The following NOL10 variants were observed in gnomAD, a reference collection of about 807,000 sequenced individuals.
NOL10 encodes the protein nucleolar protein 10, also known as H_NH0074G24.1.
Under a neutral mutation model 103.5 loss-of-function variants are expected in NOL10, and 58 were observed. That is an observed-to-expected ratio of 0.56 (90% CI 0.45 to 0.70). The LOEUF (loss-of-function observed/expected upper bound fraction) is 0.70, where lower values mean the gene tolerates loss of function less well. Ranked by LOEUF, NOL10 falls within the 30% of genes least tolerant of loss-of-function variation. The probability of loss-of-function intolerance (pLI) is 0.00; values close to 1 mark genes in which losing one functional copy is unlikely to be tolerated. For synonymous variants in NOL10, 287 were observed against 282.5 expected, an observed-to-expected ratio of 1.02 and a Z score of -0.16; for missense variants, 763 against 807.3, an observed-to-expected ratio of 0.95 and a Z score of 0.67.
intron 19 of NOL10, among the ~76,000 whole-genome samples, chr2:10,587,360 T>A (rs1377868499): frequency 6.9e-6 from 1 of 144,498 alleles, no homozygotes; most frequent in African/African-American, 2.6e-5. Flanking sequence ...AACCTCTGCC[T>A]CCCGGGTCCA....
intron 13 of NOL10, among the ~76,000 whole-genome samples, chr2:10,637,640 C>A (rs1678354016): frequency 6.6e-6 from 1 of 152,220 alleles, no homozygotes; most frequent in African/African-American, 2.4e-5. Context: ...AATGTGGCTT[C>A]CAATTGTGCA....
chr2:10,582,670 TG>T (rs1326732008), intron 19 of NOL10, among the ~76,000 whole-genome samples: 1 of 152,206 alleles, frequency 6.6e-6, no homozygotes, highest in African/African-American at 2.4e-5. Context: ...TCCATGTCTC[TG>T]AGGATGCATA....
chr2:10,685,311 G>A (rs62127226), intron 1 of NOL10, among the ~76,000 whole-genome samples: 13,815 of 152,006 alleles, frequency 0.091, 968 homozygotes, highest in East Asian at 0.39. Flanking sequence ...TGGCCAACAT[G>A]GTGAAACCCC....
At chr2:10,677,932 T>C (rs72777334) in intron 3 of NOL10, among the ~76,000 whole-genome samples, 2,649 of 145,648 alleles carry the variant, frequency 0.018, 39 homozygotes, top group Non-Finnish European at 0.029. Context: ...TATAGACAGA[T>C]ACATATATAT....
At chr2:10,631,207 G>A (rs1344466798) in intron 13 of NOL10, among the ~76,000 whole-genome samples, 1 of 152,178 alleles carries the variant, frequency 6.6e-6, no homozygotes, top group Non-Finnish European at 1.5e-5. Flanking sequence ...TATCAATTTA[G>A]TAAACATAAA....
At chr2:10,658,604 T>C (rs975344229) in intron 10 of NOL10, among the ~76,000 whole-genome samples, 1 of 152,134 alleles carries the variant, frequency 6.6e-6, no homozygotes, top group Non-Finnish European at 1.5e-5. Context: ...ACACACAAAT[T>C]TTGGAAATAT....
At chr2:10,630,868 G>A (rs537375014) in intron 13 of NOL10, among the ~76,000 whole-genome samples, 1 of 152,308 alleles carries the variant, frequency 6.6e-6, no homozygotes, top group Admixed American at 6.5e-5. Context: ...ATCCTTTAGT[G>A]TGGACAAGAT....
At chr2:10,636,434 A>AC (rs1244648318) in intron 13 of NOL10, among the ~76,000 whole-genome samples, 2 of 149,352 alleles carry the variant, frequency 1.3e-5, no homozygotes, top group African/African-American at 4.9e-5. Context: ...AAAAAAAAAA[A>AC]AAAAAAAAAA....
intron 2 of NOL10, 79 bp downstream of exon 2, chr2:10,684,488 T>C (rs1376489263): frequency 8.9e-7 from 1 of 1,122,920 alleles, no homozygotes; most frequent in Non-Finnish European, 1.3e-6. Context: ...AAATCCTCAC[T>C]TATATATAAC....
rs201206923 is a variant in NOL10 at position 10,663,059 on chromosome 2, A to T, written c.592-15T>A. On this transcript the variant is annotated splice_polypyrimidine_tract_variant and intron_variant, in intron 8 of 20. Coordinates refer to ENST00000381685, the MANE Select transcript of NOL10 (RefSeq NM_024894.4). ...TCCACTCTACCCTATGCAAATGAAA[A>T]ACAATTTTAAATAAAAGCTGTAGAA... 6.2e-7 allele frequency: 1 copy of T among 1,608,226 alleles called. No homozygotes were observed. The highest frequency in any genetic ancestry group is 2.2e-5 in the East Asian group (1 of 44,832).
At chr2:10,627,978 AT>A (rs777887199) in intron 13 of NOL10, among the ~76,000 whole-genome samples, 1 of 152,114 alleles carries the variant, frequency 6.6e-6, no homozygotes, top group African/African-American at 2.4e-5. Context: ...AGTAAATCAT[AT>A]TTTTCATTCA....
chr2:10,671,766 C>A, intron 5 of NOL10, 76 bp from the exon 6 acceptor site: 1 of 1,116,684 alleles, frequency 9.0e-7, no homozygotes, highest in Non-Finnish European at 1.3e-6. Context: ...AAAAAACTGG[C>A]AAACCAAGGA....
intron 12 of NOL10, among the ~76,000 whole-genome samples, chr2:10,653,677 C>A (rs1679635929): frequency 6.6e-6 from 1 of 152,104 alleles, no homozygotes; most frequent in Non-Finnish European, 1.5e-5. Flanking sequence ...GCCCTCTGTG[C>A]CCATCCTTTT....
chr2:10,626,158 G>C (rs1002340816), intron 13 of NOL10, among the ~76,000 whole-genome samples: 1 of 152,098 alleles, frequency 6.6e-6, no homozygotes, highest in South Asian at 2.1e-4. Context: ...TCCAGCCTGG[G>C]AGACAGAGTG....
intron 4 of NOL10, among the ~76,000 whole-genome samples, chr2:10,675,424 A>C (rs1681236958): frequency 6.6e-6 from 1 of 151,850 alleles, no homozygotes; most frequent in African/African-American, 2.4e-5. Context: ...TTTGGAAGCA[A>C]ATTCTTTTTT....
Position 10,619,291 on chromosome 2 carries a change from T to C in NOL10, c.1027-11980A>G, listed in dbSNP as rs747584971. The stretch of plus-strand genomic sequence containing the variant: ...TCCTGAGTAGCTGGGACTACAGACA[T>C]GTACCCATGCCTAGCTAATTTATTT... On this transcript the variant is annotated intron_variant, in intron 13 of 20. Transcript: ENST00000381685. Among the ~76,000 whole-genome samples, 7 of 152,102 alleles carry C rather than the reference T, an allele frequency of 4.6e-5. No homozygotes were observed. The South Asian group carries it at 6.2e-4, about 13-fold the overall frequency.
intron 13 of NOL10, among the ~76,000 whole-genome samples, chr2:10,618,167 G>A (rs1676936172): frequency 6.6e-6 from 1 of 151,914 alleles, no homozygotes; most frequent in Non-Finnish European, 1.5e-5. Flanking sequence ...GGGTACCACA[G>A]AGCCTGGCTT....
At chr2:10,668,766 T>C (rs1396717026) in intron 6 of NOL10, 43 bp from the exon 7 acceptor site, 2 of 852,108 alleles carry the variant, frequency 2.3e-6, no homozygotes, top group Non-Finnish European at 3.5e-6. Context: ...TAAACTACAA[T>C]GAAACTTTAA....
intron 17 of NOL10, among the ~76,000 whole-genome samples, chr2:10,597,962 A>T (rs1019059575): frequency 7.2e-5 from 11 of 152,228 alleles, no homozygotes; most frequent in African/African-American, 2.7e-4. Flanking sequence ...ATTAGAGAAT[A>T]TGTAGCAACA....
Sources: allele counts gnomAD v4.1 joint callset (sites outside exome capture counted in the v4.1 genomes callset), GRCh38; gene constraint gnomAD v4.1.1; transcripts MANE v1.5; gene names NCBI Gene and HGNC (gene_info 2026-07-23, HGNC 2026-07-21).